ZNF821: variants seen among roughly 807,000 people sequenced by gnomAD.
ZNF821 encodes zinc finger protein 821.
Under a neutral mutation model 44.3 loss-of-function variants are expected in ZNF821, and 16 were observed. The observed-to-expected ratio is 0.36, with a 90% CI of 0.24 to 0.55. The LOEUF is 0.55. ZNF821 is among the 20% of genes least tolerant of loss of function. ZNF821 has a pLI of 0.86. For synonymous variants in ZNF821, 204 were observed against 197.6 expected (o/e 1.03, Z -0.27); for missense variants, 436 against 547.6 (o/e 0.80, Z 2.03).
chr16:71,867,072 C>T (rs2034625847), intron 4 of ZNF821, among the ~76,000 whole-genome samples: 1 of 152,200 alleles, frequency 6.6e-6, no homozygotes, highest in South Asian at 2.1e-4. Context: ...CAGCTACTGT[C>T]GTAACCACAG....
At chr16:71,866,878 C>G (rs2034603595) in intron 4 of ZNF821, among the ~76,000 whole-genome samples, 1 of 152,154 alleles carries the variant, frequency 6.6e-6, no homozygotes, top group Non-Finnish European at 1.5e-5. Flanking sequence ...CCATTTTCAC[C>G]CAACCCAGCC....
At chr16:71,888,785 T>C (rs1479893147), upstream of ZNF821, among the ~76,000 whole-genome samples, 4 of 152,338 alleles carry the variant, frequency 2.6e-5, no homozygotes, top group Admixed American at 6.5e-5. Context: ...TTCTAGATGA[T>C]TACAATGATG....
intron 6 of ZNF821, among the ~76,000 whole-genome samples, chr16:71,862,615 C>T (rs1220432119): frequency 2.0e-5 from 3 of 152,202 alleles, no homozygotes; most frequent in African/African-American, 7.2e-5. Context: ...GTTAAGGGAA[C>T]AATAAAGGCC....
chr16:71,861,650 A>G, intron 7 of ZNF821, 126 bp downstream of exon 7: 2 of 1,084,828 alleles, frequency 1.8e-6, no homozygotes, highest in Non-Finnish European at 2.7e-6. Context: ...TCTTACTTGT[A>G]CTTCCAAGGA....
Position 71,868,050 on chromosome 16 carries a change from A to G in ZNF821, c.41-13T>C. On this transcript the variant is annotated splice_polypyrimidine_tract_variant and intron_variant, in intron 3 of 7. Coordinates refer to ENST00000425432, the MANE Select transcript of ZNF821 (RefSeq NM_001201552.2). Reference sequence around the variant, plus strand: ...AATACTTGATCCCCTGGTGGTCACAAGGAAAAATAGTCAGGCCACCAGCTG... The same window carrying G: ...AATACTTGATCCCCTGGTGGTCACAGGGAAAAATAGTCAGGCCACCAGCTG... The G allele has an allele frequency of 6.5e-7, 1 of 1,532,878 alleles. No individual in the cohort carries two copies. Among genetic ancestry groups the G allele is most frequent in the South Asian group, 1.2e-5 (1 of 83,412 alleles). 95.0% of individuals were successfully genotyped at this position (1,532,878 alleles called of 1,614,324 possible). A position where few individuals can be genotyped will look rare whatever the true frequency, so the allele number is the denominator to read the frequency against.
intron 3 of ZNF821, among the ~76,000 whole-genome samples, chr16:71,869,329 G>A (rs576038792): frequency 6.6e-6 from 1 of 152,294 alleles, no homozygotes; most frequent in South Asian, 2.1e-4. Flanking sequence ...GGAACTAAAT[G>A]GTGAGCTGAC....
intron 3 of ZNF821, among the ~76,000 whole-genome samples, chr16:71,872,571 C>T (rs1255309277): frequency 6.6e-6 from 1 of 152,124 alleles, no homozygotes; most frequent in African/African-American, 2.4e-5. Flanking sequence ...CGAGATCACG[C>T]CACTGCACTC....
At chr16:71,869,766 T>C (rs925729332) in intron 3 of ZNF821, among the ~76,000 whole-genome samples, 1 of 152,010 alleles carries the variant, frequency 6.6e-6, no homozygotes, top group African/African-American at 2.4e-5. Flanking sequence ...GCTTCCAGAG[T>C]AGCTGGGACT....
In ZNF821 at chr16:71,875,477, G is replaced by A. The variant is rs371495721; in HGVS notation, c.40+4430C>T. Among the ~76,000 whole-genome samples, 41 of 143,330 alleles carry A rather than the reference G, an allele frequency of 2.9e-4. No individual in the cohort carries two copies. The East Asian group carries it at 6.5e-3, about 23-fold the overall frequency. 94.0% of individuals were successfully genotyped at this position (143,330 alleles called of 152,430 possible). ...TTTTCTTTTTTTTTTTTTTTGAGAC[G>A]GAGTCTTGCTCTGTCACCCAGGCTG... is the stretch of plus-strand genomic sequence containing the variant. On this transcript the variant is annotated intron_variant, in intron 3 of 7. Coordinates refer to ENST00000425432, the MANE Select transcript of ZNF821 (RefSeq NM_001201552.2).
At position 71,860,703 on chromosome 16, in the gene ZNF821, T is replaced by C; in HGVS notation, c.585-31A>G. 1 of 1,597,876 alleles carries C rather than the reference T, an allele frequency of 6.3e-7. No individual in the cohort carries two copies. Among genetic ancestry groups the C allele is most frequent in the Non-Finnish European group, 8.5e-7 (1 of 1,174,028 alleles). ...AAGGAAACATTTTGGATGGTTAGTG[T>C]TTCCTTCTAGCAAGAGTCGGGACTC... On this transcript the variant is annotated intron_variant, in intron 7 of 7. Transcript: ENST00000425432. The surrounding 1 kb of genome is among the most constrained non-coding windows in gnomAD (Gnocchi z 7.3).
In ZNF821 at chr16:71,859,772, G is replaced by A; in HGVS notation, c.*246C>T. The A allele has an allele frequency of 5.7e-6, 3 of 529,268 alleles. No individual in the cohort carries two copies. The highest frequency in any genetic ancestry group is 1.0e-5 in the Non-Finnish European group (3 of 301,454). The allele number at this position is 529,268 out of a possible 1,614,324, so 32.8% of individuals were successfully genotyped here. On this transcript the variant is annotated 3_prime_UTR_variant, in exon 8 of 8. Coordinates refer to ENST00000425432, the MANE Select transcript of ZNF821 (RefSeq NM_001201552.2). ...CTAGAAGCACAGCCTGTGGCAGTGG[G>A]CTGGGGAGGCCAGTTCTCTGGACTG...
Position 71,859,699 on chromosome 16 carries a change from A to G in ZNF821, c.*319T>C, listed in dbSNP as rs567994271. 27 of 312,836 alleles carry G rather than the reference A, an allele frequency of 8.6e-5. No individual in the cohort carries two copies. In the East Asian group the frequency reaches 1.5e-3, roughly 17 times the overall value. The allele number at this position is 312,836 out of a possible 1,614,324, so 19.4% of individuals were successfully genotyped here. On this transcript the variant is annotated 3_prime_UTR_variant, in exon 8 of 8. Coordinates refer to ENST00000425432, the MANE Select transcript of ZNF821 (RefSeq NM_001201552.2). ...GAAAGGGGCAGTAAAGATAAAATTA[A>G]TTTATTTGACTTCACAACTTCATGG...
Position 71,875,663 on chromosome 16 carries a change from C to G in ZNF821, c.40+4244G>C, listed in dbSNP as rs563879269. ...ATTTTTAGTAGAGACGGGGTTACAC[C>G]GTGTTAGCCAGGATGGTCTCGATCT... On this transcript the variant is annotated intron_variant, in intron 3 of 7. Transcript: ENST00000425432. Among the ~76,000 whole-genome samples the G allele has an allele frequency of 2.0e-5, 3 of 152,200 alleles. No individual in the cohort carries two copies. In the South Asian group the frequency reaches 6.2e-4, roughly 32 times the overall value.
At chr16:71,872,984 A>G (rs1177015702) in intron 3 of ZNF821, among the ~76,000 whole-genome samples, 2 of 152,222 alleles carry the variant, frequency 1.3e-5, no homozygotes, top group Admixed American at 1.3e-4. Flanking sequence ...ATGAAAGTGT[A>G]CAACACACTG....
chr16:71,890,967 G>A (rs988815446), intron 1 of ZNF821, among the ~76,000 whole-genome samples: 1 of 150,570 alleles, frequency 6.6e-6, no homozygotes, highest in African/African-American at 2.4e-5. Flanking sequence ...GCGGAGACGG[G>A]GTTTCACTGT....
intron 2 of ZNF821, among the ~76,000 whole-genome samples, chr16:71,882,720 G>A (rs913029077): frequency 6.6e-6 from 1 of 152,146 alleles, no homozygotes; most frequent in Admixed American, 6.5e-5. Context: ...AAACAGGCCT[G>A]TGGGGTCATG....
In ZNF821 at chr16:71,879,992, G is replaced by T. The variant is rs1201734442; in HGVS notation, c.-46C>A. ...CTGGTCTTTCCCAGTTTCACGACTG[G>T]ATATGTTACTACCTCCTTGCAAGAT... On this transcript the variant is annotated 5_prime_UTR_variant, in exon 3 of 8. Transcript: ENST00000425432. 6.3e-7 allele frequency: 1 copy of T among 1,590,002 alleles called. No homozygotes were observed. Among genetic ancestry groups the T allele is most frequent in the South Asian group, 1.1e-5 (1 of 89,238 alleles).
chr16:71,883,195 G>GA lies in ZNF821; in HGVS notation c.-78+15dup, dbSNP rs1313888054. The GA allele has an allele frequency of 2.2e-6, 1 of 456,354 alleles. No individual in the cohort carries two copies. The highest frequency in any genetic ancestry group is 4.4e-6 in the Non-Finnish European group (1 of 226,808). 28.3% of individuals were successfully genotyped at this position (456,354 alleles called of 1,614,324 possible). Reference sequence around the variant, plus strand: ...GAGTGAAATCTCAGCTTGATGAAAAGAGAGTGCGTTCCCACCTCCAGCTCT... The same window carrying GA: ...GAGTGAAATCTCAGCTTGATGAAAAGAAGAGTGCGTTCCCACCTCCAGCTCT... On this transcript the variant is annotated intron_variant, in intron 2 of 7. Transcript: ENST00000425432.
At position 71,892,178 on chromosome 16, in the gene ZNF821, CAAAAAAAAAAAAAAA is replaced by C. The variant is rs560376648; in HGVS notation, n.448+2696_448+2710del. On this transcript the variant is annotated intron_variant and non_coding_transcript_variant, in intron 1 of 2. Coordinates refer to the ZNF821 transcript ENST00000561700. ...GGGCAACAAGAGAGAAACTCCGTCTCAAAAAAAAAAAAAAAAAAAAAAAAAAAAAAAAGAATCATG... is the reference window on the plus strand; with the variant it reads ...GGGCAACAAGAGAGAAACTCCGTCTCAAAAAAAAAAAAAAAAAGAATCATG... 3.8e-4 allele frequency among the ~76,000 whole-genome samples: 12 copies of C among 31,940 alleles called. 1 individual carries two copies. In the Admixed American group the frequency reaches 4.8e-3, roughly 13 times the overall value. The allele number at this position is 31,940 out of a possible 152,430, so 21.0% of individuals were successfully genotyped here. A position where few individuals can be genotyped will look rare whatever the true frequency, so the allele number is the denominator to read the frequency against.
Sources: gnomAD v4.1 joint callset for allele counts (sites outside exome capture counted in the v4.1 genomes callset) on GRCh38, gnomAD v4.1.1 for gene constraint, Gnocchi (gnomAD v3.1) non-coding constraint, MANE v1.5 for transcripts, NCBI Gene and HGNC (gene_info 2026-07-23, HGNC 2026-07-21) for gene names.